Variants in ERCC5 observed in about 807,000 individuals in gnomAD.
The protein encoded by ERCC5 is DNA excision repair protein ERCC-5.
Under a neutral mutation model 105.6 loss-of-function variants are expected in ERCC5, and 68 were observed. The ratio of observed to expected loss-of-function variants is 0.64; its 90% CI spans 0.53 to 0.79. The LOEUF (loss-of-function observed/expected upper bound fraction) is 0.79. ERCC5 is among the 30% of genes least tolerant of loss of function. The pLI, the probability that ERCC5 is intolerant of heterozygous loss-of-function variation, is 0.00. For synonymous variants in ERCC5, 546 were observed against 526.2 expected (o/e 1.04, Z -0.51); for missense variants, 1,373 against 1,426.7 (o/e 0.96, Z 0.61).
At chr13:102,855,314 A>G (rs1305012523) in intron 4 of ERCC5, among the ~76,000 whole-genome samples, 1 of 151,792 alleles carries the variant, frequency 6.6e-6, no homozygotes, top group Non-Finnish European at 1.5e-5. Context: ...CAGTGGCACA[A>G]TCTCAGCTCA....
chr13:102,860,154 C>T (rs1323698), intron 6 of ERCC5, among the ~76,000 whole-genome samples: 71,195 of 151,984 alleles, frequency 0.47, 17,377 homozygotes, highest in East Asian at 0.75. Flanking sequence ...GATGGCACAA[C>T]AGTGCAAGAG....
chr13:102,854,136 ACT>A, intron 3 of ERCC5, 150 bp from the exon 4 acceptor site: 2 of 829,714 alleles, frequency 2.4e-6, no homozygotes, highest in Non-Finnish European at 2.0e-6. Flanking sequence ...GGTCTTCTTG[ACT>A]CTAGGTGAGC....
intron 1 of ERCC5, among the ~76,000 whole-genome samples, chr13:102,850,174 C>T (rs766571225): frequency 2.0e-5 from 3 of 152,156 alleles, no homozygotes; most frequent in Non-Finnish European, 2.9e-5. Context: ...GGTCTGCCCG[C>T]CTTGGCCTCC....
rs559400325 is a variant in ERCC5, at chr13:102,865,839, C to T, written c.2127C>T (p.Asp709=). The T allele has an allele frequency of 9.3e-6, 15 of 1,614,180 alleles. No homozygotes were observed. The highest frequency in any genetic ancestry group is 8.0e-5 in the African/African-American group (6 of 75,046). Residue 709 remains aspartate, a synonymous_variant, in exon 9 of 15, where the codon GAC becomes GAT. Transcript: ENST00000652225. This position sits in a 1 kb window ranked among gnomAD's most constrained non-coding sequence, Gnocchi z 4.0. ...SLLRDNSERD[D]VDGEPQEAEK... is the part of the protein sequence containing the mutation. ...TGAGGGACAACTCTGAGAGGGACGA[C>T]GTGGATGGTGAGCCACAGGAAGCTG... is the stretch of plus-strand genomic sequence containing the variant.
chr13:102,861,984 C>T, intron 7 of ERCC5, 46 bp from the exon 8 acceptor site: 2 of 1,606,642 alleles, frequency 1.2e-6, no homozygotes, highest in East Asian at 4.5e-5. Flanking sequence ...AGCGTATTGT[C>T]ACACTGTAAA....
intron 5 of ERCC5, 80 bp downstream of exon 5, chr13:102,856,192 A>T (rs1882411971): frequency 1.4e-6 from 2 of 1,445,936 alleles, no homozygotes; most frequent in Non-Finnish European, 1.9e-6. Flanking sequence ...AATGAGGTAT[A>T]TCAAACTGTG....
At position 102,875,696 on chromosome 13, in the gene ERCC5, T is replaced by A; in HGVS notation, c.3354T>A (p.Ala1118=). 1 of 1,614,174 alleles carries A rather than the reference T, an allele frequency of 6.2e-7. No homozygotes were observed. The highest frequency in any genetic ancestry group is 8.5e-7 in the Non-Finnish European group (1 of 1,180,036). ...TAATGAATGTACAAAGGAGAACAGCTGCGAAAGAGCCAAAAACCAGTGCTT... is the reference window on the plus strand; with the variant it reads ...TAATGAATGTACAAAGGAGAACAGCAGCGAAAGAGCCAAAAACCAGTGCTT... ...SSLMNVQRRT[A]AKEPKTSASD... is the part of the protein sequence containing the mutation. The change falls in exon 15 of 15, where the codon GCT becomes GCA. Residue 1118 remains alanine, a synonymous_variant. Coordinates refer to ENST00000652225, the MANE Select transcript of ERCC5 (RefSeq NM_000123.4).
At chr13:102,861,802 AT>A (rs1471942472) in intron 7 of ERCC5, 88 bp downstream of exon 7, 1 of 1,494,226 alleles carries the variant, frequency 6.7e-7, no homozygotes, top group Admixed American at 2.0e-5. Context: ...CCCCTGGATA[AT>A]ATTAATGAAA....
At chr13:102,867,393 CAG>C (rs1419844705) in intron 11 of ERCC5, among the ~76,000 whole-genome samples, 2 of 152,158 alleles carry the variant, frequency 1.3e-5, no homozygotes, top group African/African-American at 4.8e-5. Flanking sequence ...GGTGCTGTTT[CAG>C]AGAGTTGTTG....
Position 102,862,902 on chromosome 13 carries a change from G to T in ERCC5, c.1753G>T (p.Glu585Ter). ...SEVIGPVSLQ[E>*]TSSIVSVPSE... The stretch of plus-strand genomic sequence containing the variant: ...AGTCATTGGCCCTGTCAGTTTGCAA[G>T]AAACAAGTAGCATAGTAAGTGTCCC... The change falls in exon 8 of 15, where the codon GAA becomes TAA. Residue 585 changes from glutamate to a stop codon, truncating the protein, a stop_gained. Coordinates refer to ENST00000652225, the MANE Select transcript of ERCC5 (RefSeq NM_000123.4). LOFTEE classifies it high-confidence loss of function. The T allele has an allele frequency of 8.7e-6, 14 of 1,614,208 alleles. No individual in the cohort carries two copies. The highest frequency in any genetic ancestry group is 1.0e-5 in the Non-Finnish European group (12 of 1,180,028).
Position 102,851,994 on chromosome 13 carries a change from A to G in ERCC5, c.89-124A>G, listed in dbSNP as rs4150263. 0.02 allele frequency: 23,708 copies of G among 1,179,452 alleles called. 2,996 individuals are homozygous for G. The African/African-American group carries it at 0.3, about 15-fold the overall frequency. The allele number at this position is 1,179,452 out of a possible 1,614,324, so 73.1% of individuals were successfully genotyped here. On this transcript the variant is annotated intron_variant, in intron 1 of 14. Coordinates refer to ENST00000652225, the MANE Select transcript of ERCC5 (RefSeq NM_000123.4). ...TCCCATGAGAGCTAAATGTTTTTCA[A>G]TTTTAAATGAATAGTGATAAGTATT...
intron 6 of ERCC5, among the ~76,000 whole-genome samples, chr13:102,861,144 A>G (rs1314396494): frequency 6.6e-6 from 1 of 151,952 alleles, no homozygotes; most frequent in Non-Finnish European, 1.5e-5. Flanking sequence ...GCCTGCCATC[A>G]CACCCGGCTA....
chr13:102,873,244 C>A lies in ERCC5; in HGVS notation c.2880-15C>A. ...AATATCTTTCAAAATATTTATAAGT[C>A]TTAACTGCATGCATATTTTGTCAGC... On this transcript the variant is annotated splice_polypyrimidine_tract_variant and intron_variant, in intron 13 of 14. Coordinates refer to ENST00000652225, the MANE Select transcript of ERCC5 (RefSeq NM_000123.4). The A allele has an allele frequency of 6.2e-7, 1 of 1,613,936 alleles. No individual in the cohort carries two copies. Among genetic ancestry groups the A allele is most frequent in the Non-Finnish European group, 8.5e-7 (1 of 1,179,920 alleles).
intron 12 of ERCC5, among the ~76,000 whole-genome samples, chr13:102,870,369 A>G (rs1882992535): frequency 6.6e-6 from 1 of 152,202 alleles, no homozygotes; most frequent in South Asian, 2.1e-4. Flanking sequence ...ATGGAGCAAC[A>G]GCAGTTCCCC....
rs763894239 is a variant in ERCC5 at position 102,875,751 on chromosome 13, C to G, written c.3409C>G (p.Pro1137Ala). The part of the protein sequence containing the change: ...SDSQNSVKEA[P>A]VKNGGATTSS... Reference sequence around the variant, plus strand: ...TTCGCAGAACTCAGTGAAGGAAGCTCCCGTGAAGAATGGAGGTGCGACCAC... The same window carrying G: ...TTCGCAGAACTCAGTGAAGGAAGCTGCCGTGAAGAATGGAGGTGCGACCAC... Residue 1137 changes from proline (P) to alanine (A), a missense_variant, in exon 15 of 15, where the codon CCC becomes GCC. Coordinates refer to ENST00000652225, the MANE Select transcript of ERCC5 (RefSeq NM_000123.4). The G allele has an allele frequency of 6.2e-6, 10 of 1,613,952 alleles. No homozygotes were observed. In the East Asian group the frequency reaches 2.2e-4, roughly 36 times the overall value.
chr13:102,868,780 C>T (rs761447656), intron 12 of ERCC5, among the ~76,000 whole-genome samples: 4 of 152,210 alleles, frequency 2.6e-5, no homozygotes, highest in Non-Finnish European at 4.4e-5. Flanking sequence ...AATCCCGTGA[C>T]GTGTTCAGTG....
chr13:102,847,291 G>A (rs1000717439), intron 1 of ERCC5, among the ~76,000 whole-genome samples: 2 of 144,852 alleles, frequency 1.4e-5, no homozygotes, highest in Admixed American at 7.0e-5. Flanking sequence ...TCTTTGTTAT[G>A]TAGTCATTTT....
rs1883112649 is a variant in ERCC5, at chr13:102,873,902, C to G, written c.2964+559C>G. On this transcript the variant is annotated intron_variant, in intron 14 of 14. Coordinates refer to ENST00000652225, the MANE Select transcript of ERCC5 (RefSeq NM_000123.4). The stretch of plus-strand genomic sequence containing the variant: ...AACAAGCTTTCGCCCACACTAGAAA[C>G]AACCCACAAAACATACATACAAATA... Among the ~76,000 whole-genome samples the G allele has an allele frequency of 2.0e-5, 3 of 152,244 alleles. No homozygotes were observed. The South Asian group carries it at 6.2e-4, about 32-fold the overall frequency.
At position 102,872,122 on chromosome 13, in the gene ERCC5, G is replaced by C. The variant is rs915606106; in HGVS notation, c.2679-76G>C. 48 of 1,531,168 alleles carry C rather than the reference G, an allele frequency of 3.1e-5. 1 individual carries two copies. The South Asian group carries it at 5.7e-4, about 18-fold the overall frequency. 94.8% of individuals were successfully genotyped at this position (1,531,168 alleles called of 1,614,324 possible). ...TAGAACTTGAGTTTACATGTTCTAA[G>C]TTTAGTTCTTCATCCATAGTGTATG... On this transcript the variant is annotated intron_variant, in intron 12 of 14. Coordinates refer to ENST00000652225, the MANE Select transcript of ERCC5 (RefSeq NM_000123.4).
Sources: gnomAD v4.1 joint callset for allele counts (sites outside exome capture counted in the v4.1 genomes callset) on GRCh38, gnomAD v4.1.1 for gene constraint, Gnocchi (gnomAD v3.1) non-coding constraint, MANE v1.5 for transcripts, NCBI Gene and HGNC (gene_info 2026-07-23, HGNC 2026-07-21) for gene names.